The following LYPLAL1 variants were observed in gnomAD, a reference collection of about 807,000 sequenced individuals.
LYPLAL1 encodes lysophospholipase like 1, also known as lysophospholipase-like protein 1.
Under a neutral mutation model 19.7 loss-of-function variants are expected in LYPLAL1, and 23 were observed. That is an observed-to-expected ratio of 1.17 (90% confidence interval 0.84 to 1.65). The LOEUF (loss-of-function observed/expected upper bound fraction) is 1.65. Among genes scored for constraint, LYPLAL1 ranks in the 40% most tolerant of loss-of-function variants. The pLI is 0.00. For missense variants in LYPLAL1, 355 were observed against 279.4 expected (o/e 1.27, Z -1.93); for synonymous variants, 119 against 96.3 (o/e 1.24, Z -1.38).
intron 3 of LYPLAL1, among the ~76,000 whole-genome samples, chr1:219,209,662 C>A (rs1658842176): frequency 6.6e-6 from 1 of 152,058 alleles, no homozygotes; most frequent in South Asian, 2.1e-4. Context: ...TGTATTTTCT[C>A]ATGGAATATA....
chr1:219,400,099 C>A, the LYPLAL1 span, among the ~76,000 whole-genome samples: 1 of 152,104 alleles, frequency 6.6e-6, no homozygotes, highest in African/African-American at 2.4e-5. Flanking sequence ...CACTGGGGAC[C>A]AGGAATGAGT....
At chr1:219,202,841 GTT>G (rs5781093) in intron 3 of LYPLAL1, among the ~76,000 whole-genome samples, 9 of 148,286 alleles carry the variant, frequency 6.1e-5, no homozygotes, top group South Asian at 2.2e-4. Context: ...ATGCCTGGCT[GTT>G]TTTTTTTTTG....
the LYPLAL1 span, among the ~76,000 whole-genome samples, chr1:219,338,593 T>C: frequency 6.6e-6 from 1 of 151,894 alleles, no homozygotes; most frequent in African/African-American, 2.4e-5. Context: ...ATTGAGATCA[T>C]GTACCTGGCA....
At chr1:219,221,862 T>G in the LYPLAL1 span, among the ~76,000 whole-genome samples, 1 of 152,162 alleles carries the variant, frequency 6.6e-6, no homozygotes, top group Non-Finnish European at 1.5e-5. Flanking sequence ...CAACACCACT[T>G]ATACTTTCAG....
the LYPLAL1 span, among the ~76,000 whole-genome samples, chr1:219,340,654 C>T: frequency 6.6e-6 from 1 of 151,996 alleles, no homozygotes; most frequent in African/African-American, 2.4e-5. Flanking sequence ...TAAACAGATT[C>T]TTCCCTGCTT....
At chr1:219,358,319 C>T in the LYPLAL1 span, among the ~76,000 whole-genome samples, 1 of 152,200 alleles carries the variant, frequency 6.6e-6, no homozygotes, top group Non-Finnish European at 1.5e-5. Flanking sequence ...AACTAAAGTC[C>T]AAAGAAACTG....
the LYPLAL1 span, among the ~76,000 whole-genome samples, chr1:219,400,863 C>T: frequency 6.6e-6 from 1 of 152,124 alleles, no homozygotes; most frequent in African/African-American, 2.4e-5. Flanking sequence ...TTGGAATATT[C>T]AAAGTTTATT....
intron 1 of LYPLAL1, among the ~76,000 whole-genome samples, chr1:219,175,339 G>A (rs1171141120): frequency 6.6e-6 from 1 of 152,160 alleles, no homozygotes; most frequent in African/African-American, 2.4e-5. Flanking sequence ...AGAAGGTGAC[G>A]TGTGTAAGAT....
the LYPLAL1 span, among the ~76,000 whole-genome samples, chr1:219,365,939 T>A: frequency 6.6e-6 from 1 of 152,122 alleles, no homozygotes; most frequent in African/African-American, 2.4e-5. Flanking sequence ...GTGTTGACAA[T>A]AAAAAATATC....
At chr1:219,323,766 A>G in the LYPLAL1 span, among the ~76,000 whole-genome samples, 1 of 152,224 alleles carries the variant, frequency 6.6e-6, no homozygotes, top group Non-Finnish European at 1.5e-5. Flanking sequence ...AGAAAAAAGT[A>G]CAGTGGATTC....
chr1:219,417,241 T>C, the LYPLAL1 span, among the ~76,000 whole-genome samples: 1 of 152,216 alleles, frequency 6.6e-6, no homozygotes, highest in Non-Finnish European at 1.5e-5. Flanking sequence ...TGTCTTCTAT[T>C]GTTTTTGTTT....
intron 1 of LYPLAL1, chr1:219,174,944 T>C (rs753985963): frequency 3.3e-4 from 327 of 985,412 alleles, no homozygotes; most frequent in Non-Finnish European, 3.7e-4. Context: ...AAAAATGTGG[T>C]TAGGCATTAT....
chr1:219,185,371 G>T (rs897097128), intron 2 of LYPLAL1, among the ~76,000 whole-genome samples: 3 of 149,854 alleles, frequency 2.0e-5, no homozygotes, highest in Admixed American at 2.0e-4. Flanking sequence ...TCTCTTATTT[G>T]CTTTCTATTT....
chr1:219,197,354 T>A (rs1234222163), intron 3 of LYPLAL1, among the ~76,000 whole-genome samples: 1 of 151,942 alleles, frequency 6.6e-6, no homozygotes, highest in East Asian at 1.9e-4. Flanking sequence ...CTTCAACAAA[T>A]CTGACAAAAA....
the LYPLAL1 span, among the ~76,000 whole-genome samples, chr1:219,237,029 A>G: frequency 3.3e-5 from 5 of 152,132 alleles, no homozygotes. Context: ...GTATTGGTCC[A>G]TAAAAATGCT....
the LYPLAL1 span, among the ~76,000 whole-genome samples, chr1:219,282,350 A>T: frequency 5.6e-3 from 857 of 152,238 alleles, 6 homozygotes; most frequent in Middle Eastern, 0.02. Context: ...TATATCATAG[A>T]TCTTGTGAGC....
At chr1:219,181,226 TCTTA>T (rs1656248741) in intron 2 of LYPLAL1, among the ~76,000 whole-genome samples, 2 of 152,212 alleles carry the variant, frequency 1.3e-5, no homozygotes, top group Non-Finnish European at 2.9e-5. Context: ...GTACGACACA[TCTTA>T]CTTCTGATGC....
the LYPLAL1 span, among the ~76,000 whole-genome samples, chr1:219,230,122 CT>C: frequency 1.3e-5 from 2 of 151,824 alleles, no homozygotes; most frequent in African/African-American, 4.8e-5. Context: ...GTAGGCTTAT[CT>C]TTTTTTTGAA....
At chr1:219,429,733 A>G in the LYPLAL1 span, among the ~76,000 whole-genome samples, 1 of 152,202 alleles carries the variant, frequency 6.6e-6, no homozygotes, top group South Asian at 2.1e-4. Flanking sequence ...GCCATTTTGT[A>G]TCCCAAGCTG....
Sources: gnomAD v4.1 joint callset for allele counts (sites outside exome capture counted in the v4.1 genomes callset) on GRCh38, gnomAD v4.1.1 for gene constraint, MANE v1.5 for transcripts, NCBI Gene and HGNC (gene_info 2026-07-23, HGNC 2026-07-21) for gene names.